Variants in PTPRD observed in about 807,000 individuals in gnomAD.
PTPRD encodes receptor-type tyrosine-protein phosphatase delta.
A neutral mutation model predicts 214.5 loss-of-function variants in PTPRD; 34 were observed. The ratio of observed to expected loss-of-function variants is 0.16; its 90% CI spans 0.12 to 0.21. PTPRD has a LOEUF of 0.21. Ranked by LOEUF, PTPRD falls within the 10% of genes least tolerant of loss-of-function variation. The pLI, the probability that PTPRD is intolerant of heterozygous loss-of-function variation, is 1.00. For synonymous variants in PTPRD, 1,128 were observed against 845.7 expected, an observed-to-expected ratio of 1.33 and a Z score of -5.79; for missense variants, 2,545 against 2,398.7, an observed-to-expected ratio of 1.06 and a Z score of -1.27.
chr9:9,651,557 T>A (rs887702851), intron 7 of PTPRD, among the ~76,000 whole-genome samples: 5 of 152,258 alleles, frequency 3.3e-5, no homozygotes, highest in Admixed American at 2.6e-4. Flanking sequence ...ATCCATGTCC[T>A]GCAAAGGACA....
At chr9:9,706,109 G>A (rs2097599006) in intron 7 of PTPRD, among the ~76,000 whole-genome samples, 1 of 152,018 alleles carries the variant, frequency 6.6e-6, no homozygotes, top group Non-Finnish European at 1.5e-5. Flanking sequence ...ATAAATAACA[G>A]CTATTATTAT....
At chr9:10,278,003 A>T (rs559267059) in intron 3 of PTPRD, among the ~76,000 whole-genome samples, 1 of 152,214 alleles carries the variant, frequency 6.6e-6, no homozygotes, top group South Asian at 2.1e-4. Context: ...TACTAAAAAT[A>T]CAAAAAATTG....
intron 10 of PTPRD, among the ~76,000 whole-genome samples, chr9:9,105,732 G>C (rs529115462): frequency 1.1e-4 from 17 of 152,298 alleles, no homozygotes; most frequent in Admixed American, 1.0e-3. Context: ...AAAATGTTCA[G>C]GGGATTATCA....
intron 10 of PTPRD, among the ~76,000 whole-genome samples, chr9:9,177,303 C>T (rs1049668883): frequency 1.3e-5 from 2 of 152,026 alleles, no homozygotes; most frequent in African/African-American, 4.8e-5. Context: ...TTACCTCCAC[C>T]TGGCCTCTCC....
At chr9:9,584,517 C>G (rs763112533) in intron 7 of PTPRD, among the ~76,000 whole-genome samples, 3 of 151,878 alleles carry the variant, frequency 2.0e-5, no homozygotes, top group Non-Finnish European at 4.4e-5. Flanking sequence ...CCATTTTGTA[C>G]CTGCTTCTCT....
chr9:8,646,813 C>G (rs1425739180), intron 12 of PTPRD, among the ~76,000 whole-genome samples: 1 of 152,160 alleles, frequency 6.6e-6, no homozygotes, highest in Non-Finnish European at 1.5e-5. Context: ...TCTTATAACT[C>G]CCAACCATAC....
chr9:10,394,946 T>A (rs1463999983), intron 2 of PTPRD, among the ~76,000 whole-genome samples: 1 of 135,418 alleles, frequency 7.4e-6, no homozygotes, highest in East Asian at 2.8e-4. Context: ...TTGCCACCAT[T>A]TTTTCTTTTT....
intron 2 of PTPRD, among the ~76,000 whole-genome samples, chr9:10,541,552 A>T (rs1049779089): frequency 1.3e-5 from 2 of 151,870 alleles, no homozygotes; most frequent in East Asian, 3.8e-4. Context: ...TTTATATAAT[A>T]CACAAATAAA....
chr9:9,736,180 A>G (rs2098290882), intron 6 of PTPRD, among the ~76,000 whole-genome samples: 1 of 152,130 alleles, frequency 6.6e-6, no homozygotes, highest in East Asian at 1.9e-4. Flanking sequence ...TGTACACTGT[A>G]ATCTCAGTAA....
intron 10 of PTPRD, among the ~76,000 whole-genome samples, chr9:9,096,970 C>T (rs1049458091): frequency 2.0e-5 from 3 of 152,238 alleles, no homozygotes; most frequent in African/African-American, 7.2e-5. Flanking sequence ...TTTTGTGTTG[C>T]ATTTCATATT....
chr9:10,476,971 T>C (rs2099066994), intron 2 of PTPRD, among the ~76,000 whole-genome samples: 1 of 152,000 alleles, frequency 6.6e-6, no homozygotes, highest in African/African-American at 2.4e-5. Flanking sequence ...ACTTAGACGT[T>C]ATAGAAAAAT....
chr9:10,401,352 T>G (rs1429445003), intron 2 of PTPRD, among the ~76,000 whole-genome samples: 1 of 151,406 alleles, frequency 6.6e-6, no homozygotes, highest in Non-Finnish European at 1.5e-5. Flanking sequence ...AGATGACAAG[T>G]CTATCAAGTG....
intron 6 of PTPRD, among the ~76,000 whole-genome samples, chr9:9,738,567 C>T (rs974598617): frequency 2.0e-5 from 3 of 151,162 alleles, no homozygotes; most frequent in Non-Finnish European, 4.4e-5. Context: ...ACCCAGCCTC[C>T]TTCTGTGATT....
chr9:9,091,452 C>T (rs567589541), intron 10 of PTPRD, among the ~76,000 whole-genome samples: 1 of 152,268 alleles, frequency 6.6e-6, no homozygotes, highest in African/African-American at 2.4e-5. Context: ...CAGATTGTTT[C>T]CCAAGACTTC....
intron 2 of PTPRD, among the ~76,000 whole-genome samples, chr9:10,541,480 G>A (rs2059094956): frequency 6.6e-6 from 1 of 151,854 alleles, no homozygotes; most frequent in African/African-American, 2.4e-5. Context: ...GATTATTAAA[G>A]AGTAAAAAAT....
At chr9:9,260,095 A>G in intron 9 of PTPRD, among the ~76,000 whole-genome samples, 1 of 151,912 alleles carries the variant, frequency 6.6e-6, no homozygotes, top group South Asian at 2.1e-4. Flanking sequence ...TTGAGATGAC[A>G]TTGTGAAATA....
intron 7 of PTPRD, among the ~76,000 whole-genome samples, chr9:9,605,639 C>T (rs2094105761): frequency 1.3e-5 from 2 of 151,956 alleles, no homozygotes; most frequent in Admixed American, 1.3e-4. Context: ...TGTTTTAGGT[C>T]ATCAATATAG....
intron 12 of PTPRD, among the ~76,000 whole-genome samples, chr9:8,731,801 A>C (rs924438289): frequency 6.6e-6 from 1 of 152,236 alleles, no homozygotes; most frequent in Non-Finnish European, 1.5e-5. Flanking sequence ...ATGCTATTCA[A>C]GAGTGCCAAA....
chr9:8,917,543 T>G (rs1437888668), intron 11 of PTPRD, among the ~76,000 whole-genome samples: 2 of 152,026 alleles, frequency 1.3e-5, no homozygotes, highest in Admixed American at 6.6e-5. Context: ...CAGAGCACGG[T>G]TTGTCTACAT....
Sources: gnomAD v4.1 joint callset for allele counts (sites outside exome capture counted in the v4.1 genomes callset) on GRCh38, gnomAD v4.1.1 for gene constraint, MANE v1.5 for transcripts, NCBI Gene and HGNC (gene_info 2026-07-23, HGNC 2026-07-21) for gene names.